Variants in QTMAN observed in about 807,000 individuals in gnomAD.
QTMAN encodes queuosine-tRNA mannosyltransferase, also known as tRNA-queuosine alpha-mannosyltransferase.
chr2:144,231,609 A>C, the QTMAN span, among the ~76,000 whole-genome samples: 1 of 152,132 alleles, frequency 6.6e-6, no homozygotes, highest in Non-Finnish European at 1.5e-5. Flanking sequence ...TTACCAAAAA[A>C]CTGCTTAAAC....
At chr2:144,202,362 CAAATA>C in the QTMAN span, among the ~76,000 whole-genome samples, 1 of 152,114 alleles carries the variant, frequency 6.6e-6, no homozygotes, top group African/African-American at 2.4e-5. Context: ...CTCCTATAAA[CAAATA>C]AATGTTGGAG....
the QTMAN span, among the ~76,000 whole-genome samples, chr2:144,135,301 C>T: frequency 6.6e-6 from 1 of 152,166 alleles, no homozygotes; most frequent in African/African-American, 2.4e-5. Flanking sequence ...CCATCCTTAA[C>T]ATCTAATGTG....
At chr2:144,195,716 T>C in the QTMAN span, among the ~76,000 whole-genome samples, 14 of 152,150 alleles carry the variant, frequency 9.2e-5, no homozygotes, top group Non-Finnish European at 1.9e-4. Flanking sequence ...TAAAGTCTAC[T>C]GACATATTAA....
chr2:144,236,597 G>A, the QTMAN span, among the ~76,000 whole-genome samples: 1 of 151,314 alleles, frequency 6.6e-6, no homozygotes, highest in Non-Finnish European at 1.5e-5. Flanking sequence ...ATTCTGACAG[G>A]GTCAGAACTC....
chr2:144,332,771 A>C, the QTMAN span, among the ~76,000 whole-genome samples: 2 of 149,720 alleles, frequency 1.3e-5, no homozygotes, highest in Admixed American at 6.6e-5. Flanking sequence ...ACTGCTCCCC[A>C]CCTCCCTGTG....
At chr2:144,018,021 TATTA>T in the QTMAN span, among the ~76,000 whole-genome samples, 7 of 152,202 alleles carry the variant, frequency 4.6e-5, no homozygotes, top group African/African-American at 1.4e-4. Flanking sequence ...GGTCCAATGT[TATTA>T]ATTAAATTAA....
At chr2:144,288,665 G>T in the QTMAN span, among the ~76,000 whole-genome samples, 1 of 152,206 alleles carries the variant, frequency 6.6e-6, no homozygotes, top group South Asian at 2.1e-4. Flanking sequence ...GTCTTCCAAG[G>T]CCTGCAAACT....
At chr2:144,330,821 A>G in the QTMAN span, among the ~76,000 whole-genome samples, 1 of 152,210 alleles carries the variant, frequency 6.6e-6, no homozygotes, top group Non-Finnish European at 1.5e-5. Context: ...GCTAAATCTC[A>G]TCAAGAAACT....
chr2:144,150,770 C>T, the QTMAN span, among the ~76,000 whole-genome samples: 1 of 152,090 alleles, frequency 6.6e-6, no homozygotes, highest in Non-Finnish European at 1.5e-5. Flanking sequence ...AGAAAATACA[C>T]ATTCACTATG....
At chr2:144,107,171 A>G in the QTMAN span, among the ~76,000 whole-genome samples, 1 of 152,232 alleles carries the variant, frequency 6.6e-6, no homozygotes, top group Non-Finnish European at 1.5e-5. Flanking sequence ...TCTAAAATTG[A>G]CACCCTAACA....
the QTMAN span, among the ~76,000 whole-genome samples, chr2:144,162,740 C>T: frequency 2.6e-5 from 4 of 152,080 alleles, no homozygotes; most frequent in Middle Eastern, 3.2e-3. Flanking sequence ...AACAGCTGTG[C>T]GGACGAATTC....
At chr2:144,084,512 G>A in the QTMAN span, among the ~76,000 whole-genome samples, 2 of 152,106 alleles carry the variant, frequency 1.3e-5, no homozygotes, top group African/African-American at 4.8e-5. Context: ...CCTCCTAAAT[G>A]TTGGTTGTGA....
the QTMAN span, among the ~76,000 whole-genome samples, chr2:144,099,817 G>A: frequency 6.6e-6 from 1 of 152,120 alleles, no homozygotes; most frequent in African/African-American, 2.4e-5. Context: ...TTCCCTTCAA[G>A]GAAACTGGTA....
chr2:144,146,600 A>G, the QTMAN span, among the ~76,000 whole-genome samples: 1 of 151,790 alleles, frequency 6.6e-6, no homozygotes, highest in South Asian at 2.1e-4. Context: ...TGTAATAGAG[A>G]CATACACAAA....
the QTMAN span, among the ~76,000 whole-genome samples, chr2:144,326,824 T>C: frequency 3.3e-5 from 5 of 152,110 alleles, no homozygotes; most frequent in African/African-American, 1.2e-4. Flanking sequence ...GGGGTACACA[T>C]GATCTAGATG....
At chr2:144,225,721 G>T in the QTMAN span, among the ~76,000 whole-genome samples, 1 of 152,048 alleles carries the variant, frequency 6.6e-6, no homozygotes, top group Non-Finnish European at 1.5e-5. Flanking sequence ...CATCTCATCC[G>T]TGAAGACTTA....
the QTMAN span, among the ~76,000 whole-genome samples, chr2:144,023,842 T>TA: frequency 1.2e-3 from 177 of 151,562 alleles, no homozygotes; most frequent in Admixed American, 2.8e-3. Flanking sequence ...TCATAGAAAA[T>TA]AAAAAAAAAT....
At chr2:144,183,954 A>C in the QTMAN span, among the ~76,000 whole-genome samples, 1 of 152,172 alleles carries the variant, frequency 6.6e-6, no homozygotes, top group African/African-American at 2.4e-5. Context: ...CAAATCATGC[A>C]AACCACCCTC....
At chr2:144,129,750 A>G in the QTMAN span, among the ~76,000 whole-genome samples, 193 of 152,172 alleles carry the variant, frequency 1.3e-3, no homozygotes, top group African/African-American at 4.5e-3. Flanking sequence ...AAAAAGAATT[A>G]TAACTAGATA....
Sources: gnomAD v4.1 joint callset for allele counts (sites outside exome capture counted in the v4.1 genomes callset) on GRCh38, gnomAD v4.1.1 for gene constraint, MANE v1.5 for transcripts, NCBI Gene and HGNC (gene_info 2026-07-23, HGNC 2026-07-21) for gene names.